The following KCNJ6 variants were observed in gnomAD, a reference collection of about 807,000 sequenced individuals.
KCNJ6 encodes G protein-activated inward rectifier potassium channel 2.
KCNJ6 carries 9 observed loss-of-function variants against 34.2 expected under a neutral mutation model. That is an observed-to-expected ratio of 0.26 (90% CI 0.16 to 0.46). The LOEUF (loss-of-function observed/expected upper bound fraction) is 0.46. Ranked by LOEUF, KCNJ6 falls within the 20% of genes least tolerant of loss-of-function variation. KCNJ6 has a pLI of 1.00. For missense variants in KCNJ6, 236 were observed against 531.3 expected, an observed-to-expected ratio of 0.44 and a Z score of 5.46; for synonymous variants, 196 against 207.1, an observed-to-expected ratio of 0.95 and a Z score of 0.46.
intron 3 of KCNJ6, among the ~76,000 whole-genome samples, chr21:37,641,085 C>T (rs958979352): frequency 1.3e-5 from 2 of 152,190 alleles, no homozygotes; most frequent in Non-Finnish European, 2.9e-5. Context: ...CACACACTTT[C>T]ACAGTATCCA....
chr21:37,654,427 A>AT (rs912340911), intron 3 of KCNJ6, among the ~76,000 whole-genome samples: 2 of 151,452 alleles, frequency 1.3e-5, no homozygotes, highest in African/African-American at 4.9e-5. Flanking sequence ...AAAAAAAAAA[A>AT]ATGTTTTGGC....
At chr21:37,637,808 T>C (rs1026130031) in intron 3 of KCNJ6, among the ~76,000 whole-genome samples, 2 of 152,184 alleles carry the variant, frequency 1.3e-5, no homozygotes, top group African/African-American at 4.8e-5. Flanking sequence ...CAACAGAGCA[T>C]GTGTACGCTC....
In KCNJ6 at chr21:37,612,033, G is replaced by T. The variant is rs1167789482; in HGVS notation, c.*13126C>A. ...AAATATATAGATTGGGAAGAAAGAAGAAATAAAACTTTGTCTTTGTTTACA... is the reference window on the plus strand; with the variant it reads ...AAATATATAGATTGGGAAGAAAGAATAAATAAAACTTTGTCTTTGTTTACA... On this transcript the variant is annotated 3_prime_UTR_variant, in exon 4 of 4. Transcript: ENST00000609713. The T allele has an allele frequency of 2.0e-5, 3 of 152,042 alleles. No individual in the cohort carries two copies. Among genetic ancestry groups the T allele is most frequent in the African/African-American group, 7.2e-5 (3 of 41,404 alleles). 9.4% of individuals were successfully genotyped at this position (152,042 alleles called of 1,614,324 possible).
intron 2 of KCNJ6, among the ~76,000 whole-genome samples, chr21:37,778,376 T>A (rs1301731317): frequency 6.6e-6 from 1 of 152,196 alleles, no homozygotes; most frequent in African/African-American, 2.4e-5. Context: ...CACCTCTTAA[T>A]AGACAACTGT....
chr21:37,791,252 G>T (rs754122517), intron 2 of KCNJ6, among the ~76,000 whole-genome samples: 29 of 152,194 alleles, frequency 1.9e-4, no homozygotes, highest in Non-Finnish European at 2.9e-4. Context: ...TAATAAAATA[G>T]ATTTCCTTGT....
chr21:37,879,117 A>G (rs1307960432), intron 1 of KCNJ6, among the ~76,000 whole-genome samples: 2 of 152,224 alleles, frequency 1.3e-5, no homozygotes, highest in South Asian at 2.1e-4. Flanking sequence ...TGATCTGGCT[A>G]GGTGCCAAGT....
chr21:37,779,479 A>T (rs1208123888), intron 2 of KCNJ6, among the ~76,000 whole-genome samples: 1 of 152,148 alleles, frequency 6.6e-6, no homozygotes. Flanking sequence ...ATTACCCCTA[A>T]CCTGTCTGAT....
At chr21:37,800,742 G>T (rs560256528) in intron 2 of KCNJ6, among the ~76,000 whole-genome samples, 1 of 152,314 alleles carries the variant, frequency 6.6e-6, no homozygotes, top group South Asian at 2.1e-4. Flanking sequence ...CTCCTCTTCA[G>T]TAGGGAATGA....
chr21:37,732,601 G>A (rs1018714982), intron 2 of KCNJ6, among the ~76,000 whole-genome samples: 10 of 152,156 alleles, frequency 6.6e-5, no homozygotes, highest in Non-Finnish European at 1.2e-4. Context: ...GGGCAAGACC[G>A]ATTTGGATTT....
At chr21:37,790,963 G>T (rs555023982) in intron 2 of KCNJ6, among the ~76,000 whole-genome samples, 1 of 152,298 alleles carries the variant, frequency 6.6e-6, no homozygotes, top group Non-Finnish European at 1.5e-5. Context: ...TATCACAGTT[G>T]GATTGCAAAA....
intron 2 of KCNJ6, among the ~76,000 whole-genome samples, chr21:37,813,703 C>T (rs2055333392): frequency 6.6e-6 from 1 of 152,166 alleles, no homozygotes; most frequent in South Asian, 2.1e-4. Context: ...TATCCATATG[C>T]AGAAGAATGA....
chr21:37,912,544 T>C (rs1436811570), intron 1 of KCNJ6, among the ~76,000 whole-genome samples: 1 of 152,224 alleles, frequency 6.6e-6, no homozygotes, highest in Non-Finnish European at 1.5e-5. Flanking sequence ...TCTACTTCCC[T>C]TCTGCTGATA....
In KCNJ6 at chr21:37,714,168, G is replaced by A. The variant is rs1569450556; in HGVS notation, c.946+43C>T. 4 of 1,365,298 alleles carry A rather than the reference G, an allele frequency of 2.9e-6. No homozygotes were observed. The highest frequency in any genetic ancestry group is 4.6e-5 in the East Asian group (2 of 43,694). The allele number at this position is 1,365,298 out of a possible 1,614,324, so 84.6% of individuals were successfully genotyped here. A position where few individuals can be genotyped will look rare whatever the true frequency, so the allele number is the denominator to read the frequency against. On this transcript the variant is annotated intron_variant, in intron 3 of 3. Coordinates refer to ENST00000609713, the MANE Select transcript of KCNJ6 (RefSeq NM_002240.5). The surrounding 1 kb of genome is among the most constrained non-coding windows in gnomAD (Gnocchi z 5.9). ...AAGAACATCAGGTCCAGTTTAAAATGAGCATCTATCCCACAGCCATCCCAG... is the reference window on the plus strand; with the variant it reads ...AAGAACATCAGGTCCAGTTTAAAATAAGCATCTATCCCACAGCCATCCCAG...
At chr21:37,702,721 C>T (rs926305588) in intron 3 of KCNJ6, among the ~76,000 whole-genome samples, 3 of 152,074 alleles carry the variant, frequency 2.0e-5, no homozygotes, top group Non-Finnish European at 4.4e-5. Flanking sequence ...GGGGACAGGA[C>T]TCTGGTTGGA....
intron 3 of KCNJ6, among the ~76,000 whole-genome samples, chr21:37,633,507 T>A (rs980615552): frequency 6.6e-6 from 1 of 152,140 alleles, no homozygotes; most frequent in African/African-American, 2.4e-5. Flanking sequence ...ATAATTTGAT[T>A]CAAAAATAAA....
chr21:37,727,474 T>TGTGC (rs1416537447), intron 2 of KCNJ6, among the ~76,000 whole-genome samples: 2 of 150,512 alleles, frequency 1.3e-5, no homozygotes, highest in African/African-American at 2.5e-5. Flanking sequence ...TGTGTGTGTG[T>TGTGC]GCATGGATGT....
chr21:37,892,719 C>A (rs1221849636), intron 1 of KCNJ6, among the ~76,000 whole-genome samples: 1 of 152,096 alleles, frequency 6.6e-6, no homozygotes. Flanking sequence ...CTATGGCAAC[C>A]CCAGGTTGTC....
At chr21:37,655,990 A>G (rs897428630) in intron 3 of KCNJ6, among the ~76,000 whole-genome samples, 4 of 152,146 alleles carry the variant, frequency 2.6e-5, no homozygotes, top group African/African-American at 9.7e-5. Flanking sequence ...CCACATGGCC[A>G]TGGCCCATGG....
intron 2 of KCNJ6, among the ~76,000 whole-genome samples, chr21:37,785,865 A>C (rs1049164745): frequency 3.3e-5 from 5 of 152,226 alleles, no homozygotes; most frequent in Non-Finnish European, 7.3e-5. Context: ...CCTTTATAAG[A>C]TAGGCTCAAG....
Sources: gnomAD v4.1 joint callset for allele counts (sites outside exome capture counted in the v4.1 genomes callset) on GRCh38, gnomAD v4.1.1 for gene constraint, Gnocchi (gnomAD v3.1) non-coding constraint, MANE v1.5 for transcripts, NCBI Gene and HGNC (gene_info 2026-07-23, HGNC 2026-07-21) for gene names.